Variants in ADGRV1 observed in about 807,000 individuals in gnomAD.
ADGRV1 encodes G-protein coupled receptor 98.
Under a neutral mutation model 596.2 loss-of-function variants are expected in ADGRV1, and 359 were observed. That is an observed-to-expected ratio of 0.60 (90% CI 0.55 to 0.66). ADGRV1 has a LOEUF of 0.66. Among genes scored for constraint, ADGRV1 ranks in the 30% least tolerant of loss-of-function variants. The pLI is 0.00. For missense variants in ADGRV1, 7,274 were observed against 7,575.6 expected (o/e 0.96, Z 1.48); for synonymous variants, 2,681 against 2,679.2 (o/e 1.00, Z -0.02).
chr5:90,684,397 A>G lies in ADGRV1; in HGVS notation c.6274+202A>G, dbSNP rs894060209. On this transcript the variant is annotated intron_variant, in intron 28 of 89. Transcript: ENST00000405460. ...GAAATTATGTTTTAAAAGTCAGTAGAAAGTAAGATGGGAACTTTAAAATTA... is the reference window on the plus strand; with the variant it reads ...GAAATTATGTTTTAAAAGTCAGTAGGAAGTAAGATGGGAACTTTAAAATTA... Among the ~76,000 whole-genome samples, 17 of 152,204 alleles carry G rather than the reference A, an allele frequency of 1.1e-4. 1 individual carries two copies. The highest frequency in any genetic ancestry group is 8.8e-5 in the Non-Finnish European group (6 of 68,030).
intron 83 of ADGRV1, among the ~76,000 whole-genome samples, chr5:90,925,709 C>T (rs1774365339): frequency 7.2e-6 from 1 of 138,522 alleles, no homozygotes; most frequent in Non-Finnish European, 1.6e-5. Context: ...TGTCTTACGC[C>T]AGTTTTCAAA....
chr5:90,819,190 A>C (rs1053381616), intron 75 of ADGRV1, among the ~76,000 whole-genome samples: 2 of 152,114 alleles, frequency 1.3e-5, no homozygotes, highest in Non-Finnish European at 2.9e-5. Context: ...TAGATATTCT[A>C]GTTTATTTGC....
intron 85 of ADGRV1, among the ~76,000 whole-genome samples, chr5:91,001,226 T>C (rs2151107864): frequency 6.6e-6 from 1 of 152,112 alleles, no homozygotes; most frequent in Middle Eastern, 3.4e-3. Context: ...TACAGGCATG[T>C]ACCACCACAC....
chr5:90,992,783 G>A (rs1781077041), intron 85 of ADGRV1, among the ~76,000 whole-genome samples: 1 of 152,066 alleles, frequency 6.6e-6, no homozygotes, highest in Non-Finnish European at 1.5e-5. Flanking sequence ...AAACATTTCT[G>A]ATTGGTTTAT....
At chr5:91,077,122 A>G (rs1422349150) in intron 86 of ADGRV1, among the ~76,000 whole-genome samples, 1 of 152,198 alleles carries the variant, frequency 6.6e-6, no homozygotes, top group Non-Finnish European at 1.5e-5. Context: ...CTTACTGTAT[A>G]TACAGAATAG....
At chr5:91,020,705 G>A (rs939785935) in intron 85 of ADGRV1, among the ~76,000 whole-genome samples, 1 of 151,994 alleles carries the variant, frequency 6.6e-6, no homozygotes, top group African/African-American at 2.4e-5. Context: ...GAATGTGCAG[G>A]CATCTCAGTT....
At chr5:91,026,172 G>A (rs1435713684) in intron 85 of ADGRV1, among the ~76,000 whole-genome samples, 2 of 152,102 alleles carry the variant, frequency 1.3e-5, no homozygotes, top group African/African-American at 4.8e-5. Context: ...TGAACCATTA[G>A]GCCATGGTTC....
At chr5:90,690,629 G>A (rs1746344697) in intron 30 of ADGRV1, among the ~76,000 whole-genome samples, 168 bp from the exon 31 acceptor site, 1 of 152,114 alleles carries the variant, frequency 6.6e-6, no homozygotes, top group Admixed American at 6.5e-5. Flanking sequence ...TGGAAATTTT[G>A]GCAGAGCAGA....
chr5:90,689,332 CTTTTTTTTT>C (rs34756274), intron 29 of ADGRV1, among the ~76,000 whole-genome samples: 4 of 104,438 alleles, frequency 3.8e-5, no homozygotes, highest in East Asian at 2.6e-4. Context: ...CCCCACCCAC[CTTTTTTTTT>C]TTTTTTTTTT....
chr5:90,605,981 C>T (rs556580451), intron 1 of ADGRV1, among the ~76,000 whole-genome samples: 3 of 151,930 alleles, frequency 2.0e-5, no homozygotes, highest in African/African-American at 7.2e-5. Flanking sequence ...CAAATTTTTC[C>T]CAATTTACAT....
chr5:91,051,050 T>G (rs1032509414), intron 85 of ADGRV1, among the ~76,000 whole-genome samples: 2 of 152,220 alleles, frequency 1.3e-5, no homozygotes, highest in African/African-American at 2.4e-5. Flanking sequence ...AATGCTTGTC[T>G]TATGGATTTC....
intron 84 of ADGRV1, among the ~76,000 whole-genome samples, chr5:90,973,225 A>T (rs1455773540): frequency 6.6e-6 from 1 of 152,176 alleles, no homozygotes; most frequent in Admixed American, 6.5e-5. Context: ...CTACCAACCA[A>T]AAAAAGTCCA....
intron 87 of ADGRV1, among the ~76,000 whole-genome samples, chr5:91,136,743 C>T (rs1227555049): frequency 1.3e-5 from 2 of 152,178 alleles, no homozygotes; most frequent in Non-Finnish European, 2.9e-5. Context: ...TGTAGTTACA[C>T]ATAATGATAA....
At chr5:90,657,410 A>G (rs1769565250) in intron 20 of ADGRV1, among the ~76,000 whole-genome samples, 2 of 152,064 alleles carry the variant, frequency 1.3e-5, no homozygotes, top group Non-Finnish European at 2.9e-5. Flanking sequence ...ATTGCACTCT[A>G]GCCTGGGTAA....
intron 87 of ADGRV1, among the ~76,000 whole-genome samples, chr5:91,111,825 T>C (rs1028851390): frequency 3.9e-5 from 6 of 152,020 alleles, no homozygotes; most frequent in African/African-American, 9.7e-5. Context: ...GAAAAAAAAA[T>C]CACTACATTT....
intron 83 of ADGRV1, among the ~76,000 whole-genome samples, chr5:90,947,496 A>G (rs1383593792): frequency 1.3e-5 from 2 of 152,078 alleles, no homozygotes; most frequent in East Asian, 3.9e-4. Context: ...TGTTTTCATC[A>G]TGAAATCCTT....
chr5:91,067,332 G>A (rs1159550436), intron 85 of ADGRV1, among the ~76,000 whole-genome samples: 1 of 151,940 alleles, frequency 6.6e-6, no homozygotes, highest in African/African-American at 2.4e-5. Context: ...TAGTAGAGAA[G>A]GGGTTTCTCC....
intron 50 of ADGRV1, among the ~76,000 whole-genome samples, chr5:90,733,300 G>T (rs1187866246): frequency 1.3e-5 from 2 of 152,178 alleles, no homozygotes; most frequent in South Asian, 4.1e-4. Flanking sequence ...GAAATGTGAT[G>T]AACTTGTTTA....
At chr5:90,660,641 G>A (rs1770139142) in intron 21 of ADGRV1, among the ~76,000 whole-genome samples, 1 of 152,168 alleles carries the variant, frequency 6.6e-6, no homozygotes, top group Non-Finnish European at 1.5e-5. Context: ...AAGCTGAGGT[G>A]GGAGGATCTC....
Sources: allele counts gnomAD v4.1 joint callset (sites outside exome capture counted in the v4.1 genomes callset), GRCh38; gene constraint gnomAD v4.1.1; transcripts MANE v1.5; gene names NCBI Gene and HGNC (gene_info 2026-07-23, HGNC 2026-07-21).